Variants in SPOCK1 observed in about 807,000 individuals in gnomAD.
The protein encoded by SPOCK1 is testican-1.
SPOCK1 carries 23 observed loss-of-function variants against 55.3 expected under a neutral mutation model. That is an observed-to-expected ratio of 0.42 (90% CI 0.30 to 0.59). The LOEUF (loss-of-function observed/expected upper bound fraction) is 0.59. Ranked by LOEUF, SPOCK1 falls within the 20% of genes least tolerant of loss-of-function variation. The probability of loss-of-function intolerance (pLI) is 0.22; values close to 1 mark genes in which losing one functional copy is unlikely to be tolerated. For missense variants in SPOCK1, 499 were observed against 552.5 expected, an observed-to-expected ratio of 0.90 and a Z score of 0.97; for synonymous variants, 226 against 221.0, an observed-to-expected ratio of 1.02 and a Z score of -0.20.
intron 2 of SPOCK1, among the ~76,000 whole-genome samples, chr5:137,338,700 T>C (rs1361998852): frequency 6.6e-6 from 1 of 151,852 alleles, no homozygotes; most frequent in Non-Finnish European, 1.5e-5. Context: ...GACTTTTTAA[T>C]GATCGCCATT....
intron 6 of SPOCK1, among the ~76,000 whole-genome samples, chr5:137,037,418 C>G (rs1751905233): frequency 6.6e-6 from 1 of 151,202 alleles, no homozygotes; most frequent in Admixed American, 6.6e-5. Context: ...GAGAGCAAAC[C>G]TTCCTCTGTA....
intron 5 of SPOCK1, among the ~76,000 whole-genome samples, chr5:137,099,074 G>A (rs749881309): frequency 6.6e-6 from 1 of 152,252 alleles, no homozygotes; most frequent in African/African-American, 2.4e-5. Flanking sequence ...GAGTGATTGA[G>A]TGTTCGGGGT....
At chr5:137,241,718 A>T (rs1027910014) in intron 3 of SPOCK1, among the ~76,000 whole-genome samples, 1 of 152,070 alleles carries the variant, frequency 6.6e-6, no homozygotes, top group Non-Finnish European at 1.5e-5. Flanking sequence ...CTAGATGCTA[A>T]CCCCCTGATC....
At chr5:137,262,691 G>C (rs957108562) in intron 3 of SPOCK1, among the ~76,000 whole-genome samples, 1 of 152,202 alleles carries the variant, frequency 6.6e-6, no homozygotes, top group African/African-American at 2.4e-5. Context: ...TGGGGATCTG[G>C]AGTGTACCAG....
intron 6 of SPOCK1, among the ~76,000 whole-genome samples, chr5:137,043,748 C>T (rs1363308253): frequency 6.6e-6 from 1 of 152,126 alleles, no homozygotes; most frequent in Non-Finnish European, 1.5e-5. Context: ...GTACTCAGAA[C>T]TTTCAAGGTC....
At chr5:137,226,460 C>T (rs748776864) in intron 3 of SPOCK1, among the ~76,000 whole-genome samples, 4 of 152,222 alleles carry the variant, frequency 2.6e-5, no homozygotes, top group Non-Finnish European at 5.9e-5. Flanking sequence ...AAGTGCCATG[C>T]ATACAGGCTG....
intron 2 of SPOCK1, among the ~76,000 whole-genome samples, chr5:137,302,944 A>G (rs1017436675): frequency 6.6e-6 from 1 of 152,152 alleles, no homozygotes; most frequent in African/African-American, 2.4e-5. Context: ...AATACATACT[A>G]GCAGTATATT....
At chr5:137,008,534 T>C (rs143017787) in intron 6 of SPOCK1, among the ~76,000 whole-genome samples, 56 of 152,320 alleles carry the variant, frequency 3.7e-4, no homozygotes, top group Non-Finnish European at 1.9e-4. Context: ...ACCAGTTCTA[T>C]ACAGTTAACC....
chr5:137,442,380 T>A (rs1043706422), intron 2 of SPOCK1, among the ~76,000 whole-genome samples: 2 of 152,178 alleles, frequency 1.3e-5, no homozygotes, highest in Non-Finnish European at 2.9e-5. Flanking sequence ...GAGAATTGGG[T>A]TCAAATCTCC....
Position 136,978,544 on chromosome 5 carries a change from G to C in SPOCK1, c.*110C>G. On this transcript the variant is annotated 3_prime_UTR_variant, in exon 11 of 11. Coordinates refer to ENST00000394945, the MANE Select transcript of SPOCK1 (RefSeq NM_004598.4). ...TTCCAAACCTTAGGTCGGGTATAGA[G>C]AGCAACAATGGAGAAGAGACCTTGG... The C allele has an allele frequency of 8.2e-7, 1 of 1,226,200 alleles. No individual in the cohort carries two copies. The highest frequency in any genetic ancestry group is 1.1e-6 in the Non-Finnish European group (1 of 882,572). The allele number at this position is 1,226,200 out of a possible 1,614,324, so 76.0% of individuals were successfully genotyped here. A position where few individuals can be genotyped will look rare whatever the true frequency, so the allele number is the denominator to read the frequency against.
intron 2 of SPOCK1, among the ~76,000 whole-genome samples, chr5:137,328,227 A>T (rs955766964): frequency 6.6e-6 from 1 of 152,244 alleles, no homozygotes; most frequent in Non-Finnish European, 1.5e-5. Flanking sequence ...AACTTACTGA[A>T]GTCCCTGGGT....
intron 2 of SPOCK1, among the ~76,000 whole-genome samples, chr5:137,424,795 C>T (rs1752573131): frequency 1.3e-5 from 2 of 152,104 alleles, no homozygotes; most frequent in Non-Finnish European, 2.9e-5. Context: ...TCTACGGTGA[C>T]AGAAAGTAGA....
intron 6 of SPOCK1, among the ~76,000 whole-genome samples, chr5:137,012,755 A>G (rs1048031394): frequency 2.0e-5 from 3 of 152,228 alleles, no homozygotes; most frequent in African/African-American, 7.2e-5. Context: ...GATTTTCTGT[A>G]ATACTTAAGT....
intron 6 of SPOCK1, among the ~76,000 whole-genome samples, chr5:137,002,421 T>C (rs942610605): frequency 6.6e-6 from 1 of 151,666 alleles, no homozygotes; most frequent in Non-Finnish European, 1.5e-5. Context: ...GGAAGTTAGC[T>C]AGATGAAATA....
intron 2 of SPOCK1, among the ~76,000 whole-genome samples, chr5:137,305,657 C>A (rs778795425): frequency 2.6e-5 from 4 of 152,206 alleles, no homozygotes; most frequent in Non-Finnish European, 4.4e-5. Flanking sequence ...ATTATGATCT[C>A]CGCTGTAAAA....
At chr5:137,313,583 C>A (rs1029096204) in intron 2 of SPOCK1, 9 of 639,366 alleles carry the variant, frequency 1.4e-5, no homozygotes, top group Non-Finnish European at 1.4e-5. Flanking sequence ...GAACCTGACC[C>A]CATTCTTCTA....
chr5:137,218,716 T>C (rs559961480), intron 3 of SPOCK1, among the ~76,000 whole-genome samples: 1 of 152,162 alleles, frequency 6.6e-6, no homozygotes, highest in African/African-American at 2.4e-5. Flanking sequence ...GCTGCCAGAA[T>C]TGAGTCCTAT....
At chr5:137,343,032 C>T (rs1750471769) in intron 2 of SPOCK1, among the ~76,000 whole-genome samples, 1 of 152,218 alleles carries the variant, frequency 6.6e-6, no homozygotes, top group Non-Finnish European at 1.5e-5. Context: ...ACTGTATTCC[C>T]AAAGCAGGCT....
chr5:137,310,410 T>G (rs1486928807), intron 2 of SPOCK1, among the ~76,000 whole-genome samples: 1 of 152,206 alleles, frequency 6.6e-6, no homozygotes, highest in Non-Finnish European at 1.5e-5. Flanking sequence ...TTTAAGAATT[T>G]TATATCGTCT....
Sources: allele counts gnomAD v4.1 joint callset (sites outside exome capture counted in the v4.1 genomes callset), GRCh38; gene constraint gnomAD v4.1.1; transcripts MANE v1.5; gene names NCBI Gene and HGNC (gene_info 2026-07-23, HGNC 2026-07-21).